The following MTMR8 variants were observed in gnomAD, a reference collection of about 807,000 sequenced individuals.
The protein encoded by MTMR8 is phosphatidylinositol-3,5-bisphosphate 3-phosphatase MTMR8.
In MTMR8, 65 loss-of-function variants were observed where a neutral mutation model predicts 39.3. The observed-to-expected ratio is 1.65, with a 90% CI of 1.35 to 2.03. The LOEUF (loss-of-function observed/expected upper bound fraction) is 2.03. MTMR8 is among the 30% of genes most tolerant of loss of function. MTMR8 has a pLI of 0.00. For synonymous variants in MTMR8, 245 were observed against 185.2 expected, an observed-to-expected ratio of 1.32 and a Z score of -2.62; for missense variants, 777 against 538.9, an observed-to-expected ratio of 1.44 and a Z score of -4.37.
intron 6 of MTMR8, among the ~76,000 whole-genome samples, chrX:64,345,817 C>G (rs773977198): frequency 9.0e-6 from 1 of 111,677 alleles, no homozygotes; most frequent in Non-Finnish European, 1.9e-5. Flanking sequence ...AAGACAGTCT[C>G]GCTGTTCCCC....
chrX:64,395,220 C>G (rs1924789269), intron 1 of MTMR8, 120 bp downstream of exon 1: 3 of 734,145 alleles, frequency 4.1e-6, no homozygotes, highest in Non-Finnish European at 6.3e-6. Flanking sequence ...GAACCCGGGA[C>G]CCCCCACAGG....
chrX:64,330,240 A>T (rs1181803230), intron 11 of MTMR8, among the ~76,000 whole-genome samples: 3 of 112,182 alleles, frequency 2.7e-5, no homozygotes, highest in East Asian at 5.6e-4. Flanking sequence ...CTGTGTTTTA[A>T]CGCGTAGGTA....
Position 64,271,034 on chromosome X carries a change from C to T in MTMR8, c.1521G>A (p.Leu507=), listed in dbSNP as rs142247409. ...CGMYNRFDKG[L]QPKQSMLESL... ...TCTCTAGCATACTCTGCTTGGGCTG[C>T]AGCCCTTTGTCAAAGCGGTTATACA... is the stretch of plus-strand genomic sequence containing the variant. The change falls in exon 13 of 14, where the codon CTG becomes CTA. Residue 507 remains leucine, a synonymous_variant. Transcript: ENST00000374852. 3.3e-4 allele frequency: 401 copies of T among 1,205,756 alleles called. 1 individual carries two copies. In the Middle Eastern group the frequency reaches 5.5e-3, roughly 17 times the overall value.
chrX:64,276,433 T>C (rs1478847750), intron 12 of MTMR8, among the ~76,000 whole-genome samples: 1 of 111,575 alleles, frequency 9.0e-6, no homozygotes, highest in Non-Finnish European at 1.9e-5. Flanking sequence ...GTACTATAAA[T>C]TTCCCTCTAA....
chrX:64,328,740 A>C, intron 12 of MTMR8, 32 bp downstream of exon 12: 1 of 1,134,346 alleles, frequency 8.8e-7, no homozygotes, highest in Non-Finnish European at 1.2e-6. Flanking sequence ...GGGACCTGCT[A>C]TAAGAAAGGA....
intron 8 of MTMR8, among the ~76,000 whole-genome samples, chrX:64,341,376 G>A (rs1923211753): frequency 9.2e-6 from 1 of 108,434 alleles, no homozygotes; most frequent in Non-Finnish European, 1.9e-5. Flanking sequence ...CTACTCAGGA[G>A]GCTGAGGCAG....
At chrX:64,305,858 G>C (rs753621309) in intron 12 of MTMR8, 47 of 286,529 alleles carry the variant, frequency 1.6e-4, no homozygotes, top group Non-Finnish European at 2.7e-4. Flanking sequence ...GCTCACACTT[G>C]GAATGCTAGC....
At chrX:64,362,454 C>G (rs182471588) in intron 1 of MTMR8, among the ~76,000 whole-genome samples, 227 of 47,154 alleles carry the variant, frequency 4.8e-3, no homozygotes, top group Non-Finnish European at 6.7e-3. Flanking sequence ...CAACAAAAAA[C>G]CTCTAGTACT....
intron 2 of MTMR8, among the ~76,000 whole-genome samples, chrX:64,358,771 G>C (rs1019850909): frequency 9.1e-6 from 1 of 109,639 alleles, no homozygotes. Flanking sequence ...ATAAAGTAAT[G>C]TTGGGGTGCT....
chrX:64,300,129 T>C (rs1415241950), intron 12 of MTMR8, among the ~76,000 whole-genome samples: 1 of 104,679 alleles, frequency 9.6e-6, no homozygotes, highest in African/African-American at 3.5e-5. Context: ...AATTCCTGGG[T>C]ATCCTTGTGG....
chrX:64,383,809 T>C (rs764404892), intron 1 of MTMR8, among the ~76,000 whole-genome samples: 2 of 111,013 alleles, frequency 1.8e-5, no homozygotes, highest in African/African-American at 6.6e-5. Context: ...TGAGGTTTGG[T>C]AGGGACAGAA....
At chrX:64,282,849 C>A (rs1921008620) in intron 12 of MTMR8, among the ~76,000 whole-genome samples, 1 of 111,222 alleles carries the variant, frequency 9.0e-6, no homozygotes, top group Non-Finnish European at 1.9e-5. Context: ...AAGGGGAGAG[C>A]TCCAAGATGG....
At chrX:64,336,751 C>T (rs1391726047) in intron 9 of MTMR8, among the ~76,000 whole-genome samples, 6 of 111,290 alleles carry the variant, frequency 5.4e-5, no homozygotes, top group African/African-American at 1.3e-4. Flanking sequence ...GAGCCAATAT[C>T]GCACCACTGC....
chrX:64,317,896 AT>A (rs1922516377), intron 12 of MTMR8, among the ~76,000 whole-genome samples: 1 of 112,259 alleles, frequency 8.9e-6, no homozygotes, highest in African/African-American at 3.2e-5. Flanking sequence ...GAGGTGCCCC[AT>A]AGTACTACTG....
intron 12 of MTMR8, among the ~76,000 whole-genome samples, chrX:64,290,439 T>G (rs886158590): frequency 9.1e-6 from 1 of 110,468 alleles, no homozygotes; most frequent in Non-Finnish European, 1.9e-5. Context: ...ATTTTGTATA[T>G]ATATATAAAA....
Position 64,331,538 on chromosome X carries a change from T to C in MTMR8, c.1352+19A>G, listed in dbSNP as rs886322568. 8.3e-7 allele frequency: 1 copy of C among 1,201,045 alleles called. No individual in the cohort carries two copies. The highest frequency in any genetic ancestry group is 1.1e-6 in the Non-Finnish European group (1 of 887,066). ...ACCACCTTCTCCCTGTTCAGTGTCT[T>C]CTCACAAAGTAAATTCACCTTAGAT... On this transcript the variant is annotated intron_variant, in intron 11 of 13. Transcript: ENST00000374852.
intron 12 of MTMR8, among the ~76,000 whole-genome samples, chrX:64,327,874 C>T (rs1922840388): frequency 8.9e-6 from 1 of 111,877 alleles, no homozygotes; most frequent in South Asian, 3.7e-4. Flanking sequence ...TGCTGTCATT[C>T]ACAGCAACAC....
At chrX:64,374,932 C>T (rs1241755517) in intron 1 of MTMR8, among the ~76,000 whole-genome samples, 1 of 106,505 alleles carries the variant, frequency 9.4e-6, no homozygotes, top group Non-Finnish European at 1.9e-5. Context: ...TTGGAAGATG[C>T]AATAAGGAAG....
chrX:64,306,738 TATGAACGAGCTG>T (rs2147206339), intron 12 of MTMR8: 1 of 112,465 alleles, frequency 8.9e-6, no homozygotes, highest in African/African-American at 3.3e-5. Context: ...CATTGTCCAC[TATGAACGAGCTG>T]ATGACTCCTT....
Sources: allele counts gnomAD v4.1 joint callset (sites outside exome capture counted in the v4.1 genomes callset), GRCh38; gene constraint gnomAD v4.1.1; transcripts MANE v1.5; gene names NCBI Gene and HGNC (gene_info 2026-07-23, HGNC 2026-07-21).